Variants in PSMB7 observed in about 807,000 individuals in gnomAD.
PSMB7 encodes proteasome 20S subunit beta 7.
Under a neutral mutation model 28.1 loss-of-function variants are expected in PSMB7, and 5 were observed. The observed-to-expected ratio is 0.18, with a 90% CI of 0.09 to 0.37. PSMB7 has a LOEUF of 0.37. PSMB7 is among the 10% of genes least tolerant of loss of function. PSMB7 has a pLI of 1.00. For synonymous variants in PSMB7, 122 were observed against 123.7 expected, an observed-to-expected ratio of 0.99 and a Z score of 0.09; for missense variants, 275 against 346.2, an observed-to-expected ratio of 0.79 and a Z score of 1.63.
intron 5 of PSMB7, among the ~76,000 whole-genome samples, chr9:124,400,757 C>A (rs1311430291): frequency 2.9e-4 from 1 of 3,422 alleles, no homozygotes; most frequent in Non-Finnish European, 3.2e-3. Flanking sequence ...AGAATTCTGG[C>A]CGAAACGTGT....
At chr9:124,371,309 AT>A (rs1222715846) in intron 6 of PSMB7, among the ~76,000 whole-genome samples, 1 of 152,170 alleles carries the variant, frequency 6.6e-6, no homozygotes, top group African/African-American at 2.4e-5. Context: ...CCTATATTTC[AT>A]TTCTTGTATT....
At chr9:124,364,700 G>A (rs1830491260) in intron 6 of PSMB7, among the ~76,000 whole-genome samples, 1 of 152,220 alleles carries the variant, frequency 6.6e-6, no homozygotes, top group African/African-American at 2.4e-5. Context: ...CTGGAGCCAC[G>A]GAAAGGGCTA....
In PSMB7 at chr9:124,384,659, G is replaced by A. The variant is rs1204525766; in HGVS notation, c.512-3C>T. ...CATTGCTGCCAAGGAGCCAGAACCTGCAAGAAAAAGGTGCACTTTTAGTGT... is the reference window on the plus strand; with the variant it reads ...CATTGCTGCCAAGGAGCCAGAACCTACAAGAAAAAGGTGCACTTTTAGTGT... On this transcript the variant is annotated splice_polypyrimidine_tract_variant and splice_region_variant and intron_variant, in intron 5 of 7. Coordinates refer to ENST00000259457, the MANE Select transcript of PSMB7 (RefSeq NM_002799.4). 1.9e-6 allele frequency: 3 copies of A among 1,612,980 alleles called. No homozygotes were observed. In the African/African-American group the frequency reaches 4.0e-5, roughly 22 times the overall value.
At position 124,413,946 on chromosome 9, in the gene PSMB7, C is replaced by G. The variant is rs771748426; in HGVS notation, c.216G>C (p.Lys72Asn). 1 of 1,612,956 alleles carries G rather than the reference C, an allele frequency of 6.2e-7. No homozygotes were observed. Among genetic ancestry groups the G allele is most frequent in the Non-Finnish European group, 8.5e-7 (1 of 1,179,302 alleles). Residue 72 changes from lysine (K) to asparagine (N), a missense_variant, in exon 3 of 8, where the codon AAG becomes AAC. Physicochemically the swap from Lys to Asn is moderately conservative, Grantham distance 94. This residue lies in a region of PSMB7 where 213 missense variants were observed against 302.4 expected (regional missense o/e 0.70). Coordinates refer to ENST00000259457, the MANE Select transcript of PSMB7 (RefSeq NM_002799.4). ...RATEGMVVAD[K>N]NCSKIHFISP... ...ATATGAAGTGTATTTTTGAACAGTTCTTGTCAGCAACAACCATCCCTTCAG... is the reference window on the plus strand; with the variant it reads ...ATATGAAGTGTATTTTTGAACAGTTGTTGTCAGCAACAACCATCCCTTCAG...
intron 1 of PSMB7, 71 bp downstream of exon 1, chr9:124,415,293 C>A: frequency 1.1e-5 from 16 of 1,492,210 alleles, no homozygotes; most frequent in Non-Finnish European, 1.4e-5. Flanking sequence ...TCGTATCACA[C>A]CTTGGCCCAG....
intron 6 of PSMB7, among the ~76,000 whole-genome samples, chr9:124,376,332 A>G (rs1223387835): frequency 6.6e-6 from 1 of 152,214 alleles, no homozygotes; most frequent in South Asian, 2.1e-4. Flanking sequence ...TAATATTTGA[A>G]AATTTTAAGG....
intron 6 of PSMB7, among the ~76,000 whole-genome samples, chr9:124,368,118 A>G (rs1426755593): frequency 6.6e-6 from 1 of 152,224 alleles, no homozygotes. Context: ...ACCAAAAATT[A>G]TATTCTAAAA....
At chr9:124,389,016 A>G (rs764332989) in intron 5 of PSMB7, among the ~76,000 whole-genome samples, 6 of 152,142 alleles carry the variant, frequency 3.9e-5, no homozygotes, top group Non-Finnish European at 8.8e-5. Context: ...GAGGCCAACT[A>G]CCCAAATGAG....
At chr9:124,374,365 G>C (rs1007185) in intron 6 of PSMB7, among the ~76,000 whole-genome samples, 71,867 of 152,020 alleles carry the variant, frequency 0.47, 17,329 homozygotes, top group East Asian at 0.69. Context: ...GAACTACACA[G>C]TTAGAACAGG....
At chr9:124,390,853 G>A (rs1259752220) in intron 5 of PSMB7, among the ~76,000 whole-genome samples, 1 of 152,126 alleles carries the variant, frequency 6.6e-6, no homozygotes, top group African/African-American at 2.4e-5. Context: ...AGCAGCAGCA[G>A]GCAGCTTATT....
chr9:124,356,217 CCTT>C lies in PSMB7; in HGVS notation c.722+544_722+546del, dbSNP rs1830404270. Reference sequence around the variant, plus strand: ...GTTCTGCTCAGCAAATCAACTAGAACCTTCTCCCACTGCTCTGAGTCTGCGCTG... The same window carrying C: ...GTTCTGCTCAGCAAATCAACTAGAACCTCCCACTGCTCTGAGTCTGCGCTG... On this transcript the variant is annotated intron_variant, in intron 7 of 7. Transcript: ENST00000259457. This position sits in a 1 kb window ranked among gnomAD's most constrained non-coding sequence, Gnocchi z 4.4. Among the ~76,000 whole-genome samples, 1 of 152,178 alleles carries C rather than the reference CCTT, an allele frequency of 6.6e-6. No individual in the cohort carries two copies. The highest frequency in any genetic ancestry group is 2.4e-5 in the African/African-American group (1 of 41,430).
chr9:124,364,537 AAAAAG>A (rs1002598075), intron 6 of PSMB7, among the ~76,000 whole-genome samples: 6 of 152,042 alleles, frequency 3.9e-5, no homozygotes, highest in Non-Finnish European at 7.4e-5. Context: ...AAAAAAAAAA[AAAAAG>A]AAAGCCTGGG....
In PSMB7 at chr9:124,402,491, T is replaced by C. The variant is rs1339610604; in HGVS notation, c.511+2826A>G. On this transcript the variant is annotated intron_variant, in intron 5 of 7. Coordinates refer to ENST00000259457, the MANE Select transcript of PSMB7 (RefSeq NM_002799.4). ...TTTATCAAGGTGACAGAAGAGAACA[T>C]CTTGAAGGATTCAGAGGTGAAAGGC... Among the ~76,000 whole-genome samples, 50 of 152,198 alleles carry C rather than the reference T, an allele frequency of 3.3e-4. 1 individual carries two copies. The highest frequency in any genetic ancestry group is 3.3e-3 in the Admixed American group (50 of 15,282).
At chr9:124,406,155 C>T (rs1016458298) in intron 4 of PSMB7, among the ~76,000 whole-genome samples, 3 of 152,190 alleles carry the variant, frequency 2.0e-5, no homozygotes, top group African/African-American at 7.2e-5. Flanking sequence ...GCTACCTCCA[C>T]AGTTAACAAT....
At chr9:124,372,442 T>C (rs1382637969) in intron 6 of PSMB7, among the ~76,000 whole-genome samples, 1 of 152,244 alleles carries the variant, frequency 6.6e-6, no homozygotes, top group Non-Finnish European at 1.5e-5. Context: ...GAACTGGAAA[T>C]AGAGACCTTC....
chr9:124,355,836 G>A (rs1830399441), intron 7 of PSMB7, among the ~76,000 whole-genome samples: 1 of 152,216 alleles, frequency 6.6e-6, no homozygotes, highest in Non-Finnish European at 1.5e-5. Context: ...CTTCCGCAAG[G>A]TTGAGTGCAG....
intron 7 of PSMB7, among the ~76,000 whole-genome samples, chr9:124,353,932 G>A (rs900023159): frequency 3.9e-5 from 6 of 152,044 alleles, no homozygotes; most frequent in Non-Finnish European, 7.3e-5. Context: ...TAGTGAACAC[G>A]GCACCTGGCC....
chr9:124,366,041 A>G (rs1297965611), intron 6 of PSMB7, among the ~76,000 whole-genome samples: 1 of 152,228 alleles, frequency 6.6e-6, no homozygotes, highest in Non-Finnish European at 1.5e-5. Context: ...GTCTACACCA[A>G]TGTGTGTGTG....
At position 124,412,516 on chromosome 9, in the gene PSMB7, A is replaced by G. The variant is rs1241517087; in HGVS notation, c.255-24T>C. 5 of 1,611,932 alleles carry G rather than the reference A, an allele frequency of 3.1e-6. No individual in the cohort carries two copies. In the South Asian group the frequency reaches 5.5e-5, roughly 18 times the overall value. On this transcript the variant is annotated intron_variant, in intron 3 of 7. Coordinates refer to ENST00000259457, the MANE Select transcript of PSMB7 (RefSeq NM_002799.4). The stretch of plus-strand genomic sequence containing the variant: ...AACTGAAAAATCCAATTAGAAACTT[A>G]GCTGAAATCCAATTACCAGAGGGCT...
Sources: gnomAD v4.1 joint callset for allele counts (sites outside exome capture counted in the v4.1 genomes callset) on GRCh38, gnomAD v4.1.1 for gene constraint, gnomAD v4.1.1 regional missense constraint, Gnocchi (gnomAD v3.1) non-coding constraint, MANE v1.5 for transcripts, NCBI Gene and HGNC (gene_info 2026-07-23, HGNC 2026-07-21) for gene names.